Variants in TSHZ2 observed in about 807,000 individuals in gnomAD.
TSHZ2 encodes the protein teashirt homolog 2.
TSHZ2 carries 21 observed loss-of-function variants against 74.4 expected under a neutral mutation model. The observed-to-expected ratio is 0.28, with a 90% confidence interval of 0.20 to 0.41. TSHZ2 has a LOEUF of 0.41. TSHZ2 is among the 10% of genes least tolerant of loss of function. TSHZ2 has a pLI of 1.00. For missense variants in TSHZ2, 1,244 were observed against 1,293.5 expected, an observed-to-expected ratio of 0.96 and a Z score of 0.59; for synonymous variants, 540 against 515.3, an observed-to-expected ratio of 1.05 and a Z score of -0.65.
chr20:53,485,504 T>C (rs1369822054), intron 2 of TSHZ2, among the ~76,000 whole-genome samples: 4 of 150,906 alleles, frequency 2.7e-5, no homozygotes, highest in Non-Finnish European at 5.9e-5. Context: ...AGGTCAGGAG[T>C]TCAAGACTAG....
intron 1 of TSHZ2, among the ~76,000 whole-genome samples, chr20:53,209,425 G>C (rs1016266945): frequency 1.3e-5 from 2 of 152,148 alleles, no homozygotes; most frequent in African/African-American, 4.8e-5. Flanking sequence ...TCTCCTCCCA[G>C]TACTCTACTG....
chr20:53,279,288 T>C, intron 2 of TSHZ2, among the ~76,000 whole-genome samples: 1 of 152,212 alleles, frequency 6.6e-6, no homozygotes, highest in East Asian at 1.9e-4. Flanking sequence ...CATTGTAGCA[T>C]AAAAGCAATG....
chr20:53,043,216 C>T (rs1984110155), intron 1 of TSHZ2, among the ~76,000 whole-genome samples: 1 of 152,138 alleles, frequency 6.6e-6, no homozygotes, highest in Admixed American at 6.6e-5. Flanking sequence ...ACAGTGGTTA[C>T]ATCAGGGAAG....
intron 1 of TSHZ2, among the ~76,000 whole-genome samples, chr20:53,101,326 T>A (rs1292996684): frequency 2.0e-5 from 3 of 152,220 alleles, no homozygotes; most frequent in African/African-American, 7.2e-5. Context: ...TAATAATATT[T>A]GGTCATTAAT....
chr20:53,198,010 C>A (rs1988914133), intron 1 of TSHZ2, among the ~76,000 whole-genome samples: 1 of 152,102 alleles, frequency 6.6e-6, no homozygotes, highest in African/African-American at 2.4e-5. Flanking sequence ...TAAAGATGAT[C>A]TCGTTTTCCA....
rs549191375 is a variant in TSHZ2 at position 53,205,752 on chromosome 20, C to T, written c.41-47747C>T. 3.3e-5 allele frequency among the ~76,000 whole-genome samples: 5 copies of T among 152,276 alleles called. No homozygotes were observed. The South Asian group carries it at 8.3e-4, about 25-fold the overall frequency. The stretch of plus-strand genomic sequence containing the variant: ...TACTCCTCCTGCTCCCTCTCAATGC[C>T]TTCATCTGCTTCTAAAAAATATTCA... On this transcript the variant is annotated intron_variant, in intron 1 of 2. Coordinates refer to ENST00000371497, the MANE Select transcript of TSHZ2 (RefSeq NM_173485.6).
chr20:53,201,620 G>A (rs548938407), intron 1 of TSHZ2, among the ~76,000 whole-genome samples: 2 of 152,266 alleles, frequency 1.3e-5, no homozygotes, highest in Non-Finnish European at 1.5e-5. Context: ...CACAGGTTCT[G>A]GACATTCGGA....
intron 1 of TSHZ2, among the ~76,000 whole-genome samples, chr20:52,995,104 T>A (rs1318364428): frequency 6.6e-6 from 1 of 152,212 alleles, no homozygotes; most frequent in African/African-American, 2.4e-5. Flanking sequence ...GAGGTCAAAC[T>A]TTTTTATCTT....
chr20:53,432,152 G>A (rs1983868065), intron 2 of TSHZ2, among the ~76,000 whole-genome samples: 1 of 152,092 alleles, frequency 6.6e-6, no homozygotes, highest in African/African-American at 2.4e-5. Context: ...AGTCTCCAGT[G>A]TTCATTACAC....
At chr20:53,344,012 T>C (rs929967484) in intron 2 of TSHZ2, among the ~76,000 whole-genome samples, 16 of 152,174 alleles carry the variant, frequency 1.1e-4, no homozygotes, top group Non-Finnish European at 1.6e-4. Context: ...TGCCAGAGGG[T>C]CCCAGTCCCC....
At position 53,339,558 on chromosome 20, in the gene TSHZ2, A is replaced by G. The variant is rs977458198; in HGVS notation, c.*8+82987A>G. Among the ~76,000 whole-genome samples the G allele has an allele frequency of 4.6e-5, 7 of 152,224 alleles. No individual in the cohort carries two copies. The East Asian group carries it at 1.3e-3, about 29-fold the overall frequency. ...AGCTACATGATTTTCAGGGCCCAGT[A>G]AAAAATGAGCATTCAGGATCCCCTG... On this transcript the variant is annotated intron_variant, in intron 2 of 2. Coordinates refer to ENST00000371497, the MANE Select transcript of TSHZ2 (RefSeq NM_173485.6).
intron 2 of TSHZ2, among the ~76,000 whole-genome samples, chr20:53,322,527 A>C (rs866964644): frequency 2.0e-5 from 3 of 151,724 alleles, no homozygotes; most frequent in Admixed American, 2.0e-4. Context: ...AAAAAAAAGA[A>C]AAAAAAAACA....
At chr20:53,459,923 T>C (rs1362152134) in intron 2 of TSHZ2, among the ~76,000 whole-genome samples, 1 of 152,224 alleles carries the variant, frequency 6.6e-6, no homozygotes, top group Non-Finnish European at 1.5e-5. Context: ...TGCCGAGAGA[T>C]CCACTGTTAG....
Position 53,256,668 on chromosome 20 carries a change from A to G in TSHZ2, c.*8+97A>G, listed in dbSNP as rs1178608749. Reference sequence around the variant, plus strand: ...GAGGCAGCTAGCATCTCCCAATGCCAAGCAGGATAGTAGCTTGCTGGAGTA... The same window carrying G: ...GAGGCAGCTAGCATCTCCCAATGCCGAGCAGGATAGTAGCTTGCTGGAGTA... On this transcript the variant is annotated intron_variant, in intron 2 of 2. Transcript: ENST00000371497. The surrounding 1 kb of genome is among the most constrained non-coding windows in gnomAD (Gnocchi z 4.3). 3 of 1,471,528 alleles carry G rather than the reference A, an allele frequency of 2.0e-6. No homozygotes were observed. In the African/African-American group the frequency reaches 4.2e-5, roughly 21 times the overall value. The allele number at this position is 1,471,528 out of a possible 1,614,324, so 91.2% of individuals were successfully genotyped here. A position where few individuals can be genotyped will look rare whatever the true frequency, so the allele number is the denominator to read the frequency against.
chr20:53,354,176 C>T (rs191278094), intron 2 of TSHZ2, among the ~76,000 whole-genome samples: 23 of 152,216 alleles, frequency 1.5e-4, no homozygotes, highest in African/African-American at 4.8e-4. Flanking sequence ...TGAAGTGTAA[C>T]GACGTAGAAT....
At chr20:53,044,577 C>T (rs1049434571) in intron 1 of TSHZ2, among the ~76,000 whole-genome samples, 1 of 152,222 alleles carries the variant, frequency 6.6e-6, no homozygotes, top group African/African-American at 2.4e-5. Flanking sequence ...AGGACCAAGA[C>T]TTGAAGTGGC....
intron 1 of TSHZ2, among the ~76,000 whole-genome samples, chr20:52,993,159 C>T (rs1475216463): frequency 6.6e-6 from 1 of 152,170 alleles, no homozygotes; most frequent in Admixed American, 6.6e-5. Context: ...AATGGGCTAA[C>T]ATTTCCAATA....
At chr20:53,341,719 G>A (rs1004576398) in intron 2 of TSHZ2, among the ~76,000 whole-genome samples, 5 of 151,990 alleles carry the variant, frequency 3.3e-5, no homozygotes, top group African/African-American at 7.2e-5. Flanking sequence ...GGGCAGGGGG[G>A]TGCGGGCTGG....
At chr20:53,046,405 G>A (rs1237269654) in intron 1 of TSHZ2, among the ~76,000 whole-genome samples, 2 of 152,178 alleles carry the variant, frequency 1.3e-5, no homozygotes, top group South Asian at 2.1e-4. Context: ...AGCCCATGCT[G>A]AATGCCAGGA....
Sources: allele counts gnomAD v4.1 joint callset (sites outside exome capture counted in the v4.1 genomes callset), GRCh38; gene constraint gnomAD v4.1.1; non-coding constraint Gnocchi (gnomAD v3.1); transcripts MANE v1.5; gene names NCBI Gene and HGNC (gene_info 2026-07-23, HGNC 2026-07-21).